The following NR6A1 variants were observed in gnomAD, a reference collection of about 807,000 sequenced individuals.
NR6A1 encodes nuclear receptor subfamily 6 group A member 1, also known as retinoic acid receptor-related testis-associated receptor.
In NR6A1, 7 loss-of-function variants were observed where a neutral mutation model predicts 59.1. That is an observed-to-expected ratio of 0.12 (90% CI 0.07 to 0.22). The LOEUF is 0.22. Ranked by LOEUF, NR6A1 falls within the 10% of genes least tolerant of loss-of-function variation. NR6A1 has a pLI of 1.00. For synonymous variants in NR6A1, 243 were observed against 236.1 expected (o/e 1.03, Z -0.27); for missense variants, 468 against 611.6 (o/e 0.77, Z 2.48).
intron 1 of NR6A1, among the ~76,000 whole-genome samples, chr9:124,745,410 G>A (rs1023440592): frequency 1.3e-5 from 2 of 152,104 alleles, no homozygotes; most frequent in Non-Finnish European, 2.9e-5. Flanking sequence ...AGCGGCTCAC[G>A]CCTGTAATCC....
intron 2 of NR6A1, among the ~76,000 whole-genome samples, chr9:124,697,616 A>G (rs1187610766): frequency 6.6e-6 from 1 of 152,148 alleles, no homozygotes. Context: ...AATTGTGACT[A>G]AAGCACATAA....
chr9:124,704,798 G>T (rs145372326), intron 2 of NR6A1, among the ~76,000 whole-genome samples: 4 of 152,278 alleles, frequency 2.6e-5, no homozygotes, highest in African/African-American at 9.6e-5. Flanking sequence ...GAGTGCAGTG[G>T]CACAATTAAG....
intron 2 of NR6A1, among the ~76,000 whole-genome samples, chr9:124,701,495 C>T (rs1838948667): frequency 6.6e-6 from 1 of 152,114 alleles, no homozygotes; most frequent in South Asian, 2.1e-4. Flanking sequence ...TATCCATTTC[C>T]AGAACATTTT....
rs1064785 is a variant in NR6A1, at chr9:124,522,476, A to G, written c.*229T>C. The G allele has an allele frequency of 2.7e-6, 1 of 365,132 alleles. No homozygotes were observed. The highest frequency in any genetic ancestry group is 5.2e-6 in the Non-Finnish European group (1 of 193,872). The allele number at this position is 365,132 out of a possible 1,614,324, so 22.6% of individuals were successfully genotyped here. A position where few individuals can be genotyped will look rare whatever the true frequency, so the allele number is the denominator to read the frequency against. ...AAATGCATTGGCTGCATTCACACAA[A>G]AGCATGTGCATCATGTTGAAGGCCA... On this transcript the variant is annotated 3_prime_UTR_variant, in exon 10 of 10. Coordinates refer to ENST00000487099, the MANE Select transcript of NR6A1 (RefSeq NM_033334.4).
chr9:124,694,248 T>C (rs1399176730), intron 2 of NR6A1, among the ~76,000 whole-genome samples: 2 of 152,148 alleles, frequency 1.3e-5, no homozygotes, highest in Admixed American at 6.5e-5. Flanking sequence ...AAGACCTTTA[T>C]CCATACATAC....
At chr9:124,638,587 C>T (rs920015449) in intron 2 of NR6A1, among the ~76,000 whole-genome samples, 4 of 152,150 alleles carry the variant, frequency 2.6e-5, no homozygotes, top group African/African-American at 9.7e-5. Flanking sequence ...TAAAAATATG[C>T]ATTCAGGCTC....
intron 2 of NR6A1, among the ~76,000 whole-genome samples, chr9:124,708,298 GAAC>G (rs1246940385): frequency 1.3e-5 from 2 of 152,214 alleles, no homozygotes; most frequent in African/African-American, 4.8e-5. Context: ...CACCCTGGTT[GAAC>G]TACTGCACTG....
chr9:124,523,855 T>C (rs1324685773), intron 9 of NR6A1, among the ~76,000 whole-genome samples: 1 of 152,196 alleles, frequency 6.6e-6, no homozygotes, highest in African/African-American at 2.4e-5. Flanking sequence ...AAAACTGTAT[T>C]GCTGAATTTT....
In NR6A1 at chr9:124,571,889, T is replaced by C. The variant is rs963730213; in HGVS notation, c.143-17319A>G. Among the ~76,000 whole-genome samples the C allele has an allele frequency of 2.2e-4, 33 of 152,104 alleles. 1 individual carries two copies. Among genetic ancestry groups the C allele is most frequent in the Admixed American group, 1.7e-3 (26 of 15,272 alleles). ...AATAACTTCCATTCAGGGCTTGAGC[T>C]AGTTAAGTTTGATGAGTTTCTCTTA... is the stretch of plus-strand genomic sequence containing the variant. On this transcript the variant is annotated intron_variant, in intron 2 of 9. Coordinates refer to ENST00000487099, the MANE Select transcript of NR6A1 (RefSeq NM_033334.4).
intron 2 of NR6A1, among the ~76,000 whole-genome samples, chr9:124,732,697 A>AC (rs1839919184): frequency 6.9e-6 from 1 of 144,058 alleles, no homozygotes; most frequent in African/African-American, 2.5e-5. Flanking sequence ...GCAAGTACGA[A>AC]TTTTTTTTTT....
At chr9:124,605,781 C>T (rs4497068) in intron 2 of NR6A1, among the ~76,000 whole-genome samples, 151,883 of 152,314 alleles carry the variant, frequency 1, 75,730 homozygotes, top group Middle Eastern at 1. Flanking sequence ...GGTACATGGC[C>T]TCATTATACT....
At chr9:124,614,478 C>T (rs1835836556) in intron 2 of NR6A1, among the ~76,000 whole-genome samples, 1 of 152,154 alleles carries the variant, frequency 6.6e-6, no homozygotes. Flanking sequence ...AGCACTGATT[C>T]ACTTATCAGA....
At chr9:124,742,489 G>A (rs1177839664) in intron 1 of NR6A1, among the ~76,000 whole-genome samples, 1 of 151,924 alleles carries the variant, frequency 6.6e-6, no homozygotes, top group Non-Finnish European at 1.5e-5. Flanking sequence ...TGAACCAGGA[G>A]GCAGAGGTTG....
chr9:124,571,825 T>C (rs1227388593), intron 2 of NR6A1, among the ~76,000 whole-genome samples: 1 of 152,104 alleles, frequency 6.6e-6, no homozygotes, highest in East Asian at 1.9e-4. Flanking sequence ...AACTCTTCCA[T>C]GTTTCTCTGT....
chr9:124,754,112 C>T (rs1413077658), intron 1 of NR6A1, among the ~76,000 whole-genome samples: 2 of 152,174 alleles, frequency 1.3e-5, no homozygotes, highest in Non-Finnish European at 2.9e-5. Context: ...CTGATATTGT[C>T]AAACTAGAGC....
At chr9:124,714,887 A>T (rs980704210) in intron 2 of NR6A1, among the ~76,000 whole-genome samples, 1 of 152,174 alleles carries the variant, frequency 6.6e-6, no homozygotes, top group Non-Finnish European at 1.5e-5. Context: ...AGAAAGATAC[A>T]CTGACTTCGT....
In NR6A1 at chr9:124,592,514, T is replaced by C. The variant is rs372159690; in HGVS notation, c.143-37944A>G. On this transcript the variant is annotated intron_variant, in intron 2 of 9. Transcript: ENST00000487099. ...AATCAGATTTTCTTCCTGTACATCA[T>C]TTTCCCCAGCAAAAGGGTACCGATT... Among the ~76,000 whole-genome samples the C allele has an allele frequency of 1.8e-4, 28 of 152,298 alleles. No individual in the cohort carries two copies. The South Asian group carries it at 5.2e-3, about 28-fold the overall frequency.
At chr9:124,608,338 T>C (rs2130836328) in intron 2 of NR6A1, among the ~76,000 whole-genome samples, 1 of 151,292 alleles carries the variant, frequency 6.6e-6, no homozygotes, top group East Asian at 2.0e-4. Context: ...TTCCCCTCCC[T>C]GTGTCTGTGT....
At chr9:124,598,667 A>C (rs1466743225) in intron 2 of NR6A1, 4 of 409,658 alleles carry the variant, frequency 9.8e-6, no homozygotes, top group Admixed American at 4.2e-5. Context: ...AAAAAAAAAA[A>C]AACAAGGAAG....
Sources: allele counts gnomAD v4.1 joint callset (sites outside exome capture counted in the v4.1 genomes callset), GRCh38; gene constraint gnomAD v4.1.1; transcripts MANE v1.5; gene names NCBI Gene and HGNC (gene_info 2026-07-23, HGNC 2026-07-21).